ZHX1: variants seen among roughly 807,000 people sequenced by gnomAD.
The protein encoded by ZHX1 is zinc fingers and homeoboxes 1, also known as zinc fingers and homeoboxes protein 1.
A neutral mutation model predicts 61.8 loss-of-function variants in ZHX1; 20 were observed. The observed-to-expected ratio is 0.32, with a 90% CI of 0.23 to 0.47. ZHX1 has a LOEUF of 0.47. Ranked by LOEUF, ZHX1 falls within the 20% of genes least tolerant of loss-of-function variation. ZHX1 has a pLI of 1.00. For missense variants in ZHX1, 800 were observed against 1,034.8 expected (o/e 0.77, Z 3.11); for synonymous variants, 318 against 352.6 (o/e 0.90, Z 1.10).
At chr8:123,265,908 CTCTA>C (rs760070889) in intron 2 of ZHX1, among the ~76,000 whole-genome samples, 31 of 152,308 alleles carry the variant, frequency 2.0e-4, no homozygotes, top group Admixed American at 9.2e-4. Context: ...ACCCTATCCT[CTCTA>C]TCTGTTTTTT....
In ZHX1 at chr8:123,254,099, A is replaced by G. The variant is rs146353422; in HGVS notation, c.1848T>C (p.Phe616=). 9.0e-5 allele frequency: 145 copies of G among 1,614,138 alleles called. 1 individual carries two copies. In the African/African-American group the frequency reaches 1.6e-3, roughly 18 times the overall value. The part of the protein sequence containing the change: ...KLTRREIDAW[F]TEKKKSKALK... ...AAGCTTTTGATTTCTTCTTCTCTGT[A>G]AACCAAGCATCGATTTCTCTTCTGG... Residue 616 remains phenylalanine (F), a synonymous_variant, in exon 3 of 4, where the codon TTT becomes TTC. Coordinates refer to ENST00000395571, the MANE Select transcript of ZHX1 (RefSeq NM_007222.5). This position sits in a 1 kb window ranked among gnomAD's most constrained non-coding sequence, Gnocchi z 4.1.
At position 123,253,762 on chromosome 8, in the gene ZHX1, C is replaced by T. The variant is rs200418101; in HGVS notation, c.2185G>A (p.Ala729Thr). ...AGACCATTCATACTACTTGAATTGG[C>T]GCTCTGATAGTAGTAGTACCATTTC... is the stretch of plus-strand genomic sequence containing the variant. ...NLKWYYYYQSANSSSMNGLSS... is the reference protein window; with the variant it reads ...NLKWYYYYQSTNSSSMNGLSS... The change falls in exon 3 of 4, where the codon GCC becomes ACC. Residue 729 changes from alanine (A) to threonine (T), a missense_variant. Coordinates refer to ENST00000395571, the MANE Select transcript of ZHX1 (RefSeq NM_007222.5). The T allele has an allele frequency of 3.5e-5, 57 of 1,614,218 alleles. No individual in the cohort carries two copies. In the African/African-American group the frequency reaches 4.5e-4, roughly 13 times the overall value.
rs1415679526 is a variant in ZHX1 at position 123,254,417 on chromosome 8, T to C, written c.1530A>G (p.Lys510=). 18 of 1,614,052 alleles carry C rather than the reference T, an allele frequency of 1.1e-5. No individual in the cohort carries two copies. Among genetic ancestry groups the C allele is most frequent in the Non-Finnish European group, 1.5e-5 (18 of 1,180,018 alleles). ...ITGLTKGEIK[K]WFSDTRYNQR... ...GGTTGTACCTTGTGTCACTAAACCATTTTTTAATCTCTCCTTTCGTCAGGC... is the reference window on the plus strand; with the variant it reads ...GGTTGTACCTTGTGTCACTAAACCACTTTTTAATCTCTCCTTTCGTCAGGC... Residue 510 remains lysine, a synonymous_variant, in exon 3 of 4, where the codon AAA becomes AAG. Transcript: ENST00000395571. This position sits in a 1 kb window ranked among gnomAD's most constrained non-coding sequence, Gnocchi z 4.1.
At position 123,255,246 on chromosome 8, in the gene ZHX1, G is replaced by A. The variant is rs1250740291; in HGVS notation, c.701C>T (p.Thr234Ile). 1.2e-6 allele frequency: 2 copies of A among 1,614,180 alleles called. No individual in the cohort carries two copies. Among genetic ancestry groups the A allele is most frequent in the Admixed American group, 1.7e-5 (1 of 60,026 alleles). Residue 234 changes from threonine (T) to isoleucine (I), a missense_variant, in exon 3 of 4, where the codon ACA becomes ATA. Coordinates refer to ENST00000395571, the MANE Select transcript of ZHX1 (RefSeq NM_007222.5). The part of the protein sequence containing the change: ...NPSSSASESN[T>I]STSIVNRIHP... The stretch of plus-strand genomic sequence containing the variant: ...TATTCTGTTTACAATGGAAGTACTT[G>A]TATTAGATTCAGAAGCTGAAGAACT...
rs777410482 is a variant in ZHX1 at position 123,254,583 on chromosome 8, T to C, written c.1364A>G (p.His455Arg). 3.7e-6 allele frequency: 6 copies of C among 1,614,226 alleles called. No homozygotes were observed. The highest frequency in any genetic ancestry group is 4.5e-5 in the East Asian group (2 of 44,896). Residue 455 changes from histidine to arginine, a missense_variant, in exon 3 of 4, where the codon CAT becomes CGT. By Grantham distance (29) the His-to-Arg change is conservative. Coordinates refer to ENST00000395571, the MANE Select transcript of ZHX1 (RefSeq NM_007222.5). This position sits in a 1 kb window ranked among gnomAD's most constrained non-coding sequence, Gnocchi z 4.1. ...ATCAGGGTTTACCAATGCAGTTTCATGTTTGACACTTTGAGAAGTTGGAAC... is the reference window on the plus strand; with the variant it reads ...ATCAGGGTTTACCAATGCAGTTTCACGTTTGACACTTTGAGAAGTTGGAAC... Reference protein sequence around the residue: ...AAVPTSQSVKHETALVNPDSF... With the variant: ...AAVPTSQSVKRETALVNPDSF...
chr8:123,250,392 A>G, intron 3 of ZHX1, 72 bp from the exon 4 acceptor site: 1 of 356,192 alleles, frequency 2.8e-6, no homozygotes, highest in Non-Finnish European at 5.4e-6. Context: ...CTACTTTTAG[A>G]AATAAAAGTG....
intron 2 of ZHX1, chr8:123,263,008 A>C (rs1826329154): frequency 1.3e-5 from 2 of 148,578 alleles, no homozygotes; most frequent in African/African-American, 4.9e-5. Flanking sequence ...AAGAAAGAGA[A>C]GGAAGAGAAG....
intron 2 of ZHX1, among the ~76,000 whole-genome samples, chr8:123,261,804 T>C (rs114482212): frequency 0.018 from 2,764 of 152,326 alleles, 90 homozygotes; most frequent in African/African-American, 0.064. Context: ...TTTAATATTA[T>C]AAATTCTCTC....
intron 1 of ZHX1, among the ~76,000 whole-genome samples, chr8:123,268,001 C>CTAAATAAATAAA (rs927517767): frequency 4.0e-5 from 6 of 151,506 alleles, no homozygotes; most frequent in African/African-American, 1.5e-4. Flanking sequence ...AACTCTGACT[C>CTAAATAAATAAA]TAAATAAATA....
chr8:123,255,232 C>T lies in ZHX1; in HGVS notation c.715G>A (p.Val239Ile). ...ASESNTSTSI[V>I]NRIHPSTAST... ...GCAGTACTTGGATGTATTCTGTTTA[C>T]AATGGAAGTACTTGTATTAGATTCA... Residue 239 changes from valine (V) to isoleucine (I), a missense_variant, in exon 3 of 4, where the codon GTA becomes ATA. Val to Ile is a conservative substitution (Grantham distance 29). Coordinates refer to ENST00000395571, the MANE Select transcript of ZHX1 (RefSeq NM_007222.5). 6.2e-7 allele frequency: 1 copy of T among 1,614,154 alleles called. No homozygotes were observed. Among genetic ancestry groups the T allele is most frequent in the South Asian group, 1.1e-5 (1 of 91,072 alleles).
chr8:123,249,115 G>C lies in ZHX1; in HGVS notation c.*1209C>G, dbSNP rs1825848497. The C allele has an allele frequency of 6.6e-6, 1 of 152,496 alleles. No individual in the cohort carries two copies. Among genetic ancestry groups the C allele is most frequent in the Admixed American group, 6.6e-5 (1 of 15,266 alleles). The allele number at this position is 152,496 out of a possible 1,614,324, so 9.4% of individuals were successfully genotyped here. On this transcript the variant is annotated 3_prime_UTR_variant, in exon 4 of 4. Transcript: ENST00000395571. ...AATAAACTGGCTAAGCCTACATCTG[G>C]TCATTCAGAAAAACATGTTAAAATC...
chr8:123,266,111 A>C (rs1826446087), intron 2 of ZHX1, among the ~76,000 whole-genome samples: 2 of 152,200 alleles, frequency 1.3e-5, no homozygotes, highest in African/African-American at 2.4e-5. Flanking sequence ...TAAGTACGTA[A>C]TACATTGAAA....
chr8:123,265,260 T>C (rs1586831327), intron 2 of ZHX1, among the ~76,000 whole-genome samples: 1 of 151,196 alleles, frequency 6.6e-6, no homozygotes, highest in East Asian at 1.9e-4. Flanking sequence ...TGATGTAGCA[T>C]CAAAAATAAA....
At chr8:123,260,161 A>G (rs1826202806) in intron 2 of ZHX1, among the ~76,000 whole-genome samples, 1 of 151,762 alleles carries the variant, frequency 6.6e-6, no homozygotes, top group African/African-American at 2.4e-5. Flanking sequence ...CTGTCTCAAA[A>G]AAAGAAAAAA....
upstream of ZHX1, among the ~76,000 whole-genome samples, chr8:123,275,078 G>A (rs1826802156): frequency 6.6e-6 from 1 of 152,168 alleles, no homozygotes; most frequent in South Asian, 2.1e-4. Flanking sequence ...CAGAACCGCC[G>A]GGCAAGGCGG....
At chr8:123,272,328 C>T (rs768328814) in intron 1 of ZHX1, among the ~76,000 whole-genome samples, 3 of 152,080 alleles carry the variant, frequency 2.0e-5, no homozygotes, top group Non-Finnish European at 4.4e-5. Flanking sequence ...AAAAGGTCCA[C>T]GATTATACAT....
At chr8:123,274,698 G>T (rs1826789673), upstream of ZHX1, among the ~76,000 whole-genome samples, 1 of 151,518 alleles carries the variant, frequency 6.6e-6, no homozygotes, top group African/African-American at 2.4e-5. Flanking sequence ...GGCTCGAAAT[G>T]GCCCCGCCCT....
At position 123,250,013 on chromosome 8, in the gene ZHX1, C is replaced by T. The variant is rs1035518662; in HGVS notation, c.*311G>A. 1 of 306,448 alleles carries T rather than the reference C, an allele frequency of 3.3e-6. No individual in the cohort carries two copies. The highest frequency in any genetic ancestry group is 6.4e-6 in the Non-Finnish European group (1 of 156,628). 19.0% of individuals were successfully genotyped at this position (306,448 alleles called of 1,614,324 possible). Reference sequence around the variant, plus strand: ...GGACAAGCTCTAGTGGTCATTAAACCCCCTCAGAAAGTCTAAGATTCAGAA... The same window carrying T: ...GGACAAGCTCTAGTGGTCATTAAACTCCCTCAGAAAGTCTAAGATTCAGAA... On this transcript the variant is annotated 3_prime_UTR_variant, in exon 4 of 4. Coordinates refer to ENST00000395571, the MANE Select transcript of ZHX1 (RefSeq NM_007222.5).
chr8:123,250,045 C>A lies in ZHX1; in HGVS notation c.*279G>T. The A allele has an allele frequency of 3.0e-6, 1 of 333,546 alleles. No individual in the cohort carries two copies. The highest frequency in any genetic ancestry group is 5.8e-6 in the Non-Finnish European group (1 of 171,192). The allele number at this position is 333,546 out of a possible 1,614,324, so 20.7% of individuals were successfully genotyped here. A position where few individuals can be genotyped will look rare whatever the true frequency, so the allele number is the denominator to read the frequency against. ...GAAAGTCTAAGATTCAGAATGTCTC[C>A]ATCATATTAGAAGAAAAATGTACTG... On this transcript the variant is annotated 3_prime_UTR_variant, in exon 4 of 4. Transcript: ENST00000395571.
Sources: gnomAD v4.1 joint callset for allele counts (sites outside exome capture counted in the v4.1 genomes callset) on GRCh38, gnomAD v4.1.1 for gene constraint, Gnocchi (gnomAD v3.1) non-coding constraint, MANE v1.5 for transcripts, NCBI Gene and HGNC (gene_info 2026-07-23, HGNC 2026-07-21) for gene names.